The following PDHX variants were observed in gnomAD, a reference collection of about 807,000 sequenced individuals.
PDHX encodes pyruvate dehydrogenase protein X component, mitochondrial.
A neutral mutation model predicts 55.3 loss-of-function variants in PDHX; 33 were observed. The ratio of observed to expected loss-of-function variants is 0.60; its 90% CI spans 0.45 to 0.80. The LOEUF (loss-of-function observed/expected upper bound fraction) is 0.80. PDHX is among the 30% of genes least tolerant of loss of function. The probability of loss-of-function intolerance (pLI) is 0.00; values close to 1 mark genes in which losing one functional copy is unlikely to be tolerated. For missense variants in PDHX, 622 were observed against 619.9 expected (o/e 1.00, Z -0.04); for synonymous variants, 226 against 219.4 (o/e 1.03, Z -0.27).
At chr11:34,942,691 C>G (rs1854517192) in intron 2 of PDHX, among the ~76,000 whole-genome samples, 1 of 152,124 alleles carries the variant, frequency 6.6e-6, no homozygotes, top group Non-Finnish European at 1.5e-5. Context: ...AAAGATAGAA[C>G]TTTGGTTTTG....
chr11:34,970,133 T>C lies in PDHX; in HGVS notation c.817-6T>C. 4.3e-6 allele frequency: 7 copies of C among 1,613,440 alleles called. No individual in the cohort carries two copies. Among genetic ancestry groups the C allele is most frequent in the Non-Finnish European group, 5.9e-6 (7 of 1,179,428 alleles). On this transcript the variant is annotated splice_region_variant and splice_polypyrimidine_tract_variant and intron_variant, in intron 6 of 10. Coordinates refer to ENST00000227868, the MANE Select transcript of PDHX (RefSeq NM_003477.3). ...GTTTAACGGACAGGTTGCTGTCTTTTTGCAGGGCACATTCACTGAAATCCC... is the reference window on the plus strand; with the variant it reads ...GTTTAACGGACAGGTTGCTGTCTTTCTGCAGGGCACATTCACTGAAATCCC...
At chr11:34,991,849 G>C (rs1855763150) in intron 9 of PDHX, among the ~76,000 whole-genome samples, 1 of 140,832 alleles carries the variant, frequency 7.1e-6, no homozygotes. Context: ...GATGGAGGTT[G>C]CAATAGGCCA....
chr11:34,979,483 G>A (rs2079174578), intron 8 of PDHX, among the ~76,000 whole-genome samples: 1 of 152,064 alleles, frequency 6.6e-6, no homozygotes, highest in African/African-American at 2.4e-5. Context: ...TGTATTTAAA[G>A]TACATTTATA....
intron 4 of PDHX, among the ~76,000 whole-genome samples, chr11:34,960,085 A>C (rs954212841): frequency 2.0e-5 from 3 of 152,220 alleles, no homozygotes; most frequent in African/African-American, 7.2e-5. Context: ...ATATATGAAG[A>C]AATGATAGAA....
At chr11:34,926,024 C>T (rs890513123) in intron 1 of PDHX, among the ~76,000 whole-genome samples, 2 of 152,134 alleles carry the variant, frequency 1.3e-5, no homozygotes, top group African/African-American at 4.8e-5. Flanking sequence ...CATGCCAAGA[C>T]CTGTAAATGC....
chr11:34,974,744 C>CA (rs1200294297), intron 7 of PDHX, among the ~76,000 whole-genome samples: 2 of 151,948 alleles, frequency 1.3e-5, no homozygotes, highest in African/African-American at 4.8e-5. Flanking sequence ...CCTATCTCTA[C>CA]AAAAAAATTG....
At chr11:34,932,115 T>C (rs556278272) in intron 2 of PDHX, among the ~76,000 whole-genome samples, 1 of 152,166 alleles carries the variant, frequency 6.6e-6, no homozygotes, top group Non-Finnish European at 1.5e-5. Flanking sequence ...AGATTTATTC[T>C]TTATGTTATG....
Position 34,989,853 on chromosome 11 carries a change from C to T in PDHX, c.1183-2462C>T, listed in dbSNP as rs183838038. ...TCCCTACTGTCTGATGTTCACTGTC[C>T]ATTGCCATTTATCTAATTCTAGAAG... On this transcript the variant is annotated intron_variant, in intron 9 of 10. Coordinates refer to ENST00000227868, the MANE Select transcript of PDHX (RefSeq NM_003477.3). Among the ~76,000 whole-genome samples the T allele has an allele frequency of 1.9e-3, 287 of 152,196 alleles. 2 individuals are homozygous for T. The highest frequency in any genetic ancestry group is 1.2e-3 in the East Asian group (6 of 5,182).
intron 6 of PDHX, among the ~76,000 whole-genome samples, chr11:34,967,639 C>CAGGTTATT (rs1287748606): frequency 1.3e-5 from 2 of 151,962 alleles, no homozygotes; most frequent in African/African-American, 4.8e-5. Context: ...CTTTCCTATT[C>CAGGTTATT]AGGTTATTTT....
intron 2 of PDHX, among the ~76,000 whole-genome samples, chr11:34,938,040 A>G (rs1015776515): frequency 3.3e-5 from 5 of 152,230 alleles, no homozygotes; most frequent in African/African-American, 1.2e-4. Context: ...AAAAGGATAA[A>G]CAGAACTTCT....
intron 3 of PDHX, among the ~76,000 whole-genome samples, chr11:34,950,608 G>A (rs1172654032): frequency 6.7e-6 from 1 of 148,648 alleles, no homozygotes; most frequent in East Asian, 2.0e-4. Flanking sequence ...TCCCATCTAC[G>A]AGTGAGAACA....
chr11:34,982,692 C>T (rs1034106523), intron 8 of PDHX, among the ~76,000 whole-genome samples: 5 of 152,066 alleles, frequency 3.3e-5, no homozygotes, highest in Non-Finnish European at 7.4e-5. Context: ...ATAAATTCCT[C>T]GACACATACA....
chr11:34,925,035 T>C (rs956576108), intron 1 of PDHX, among the ~76,000 whole-genome samples: 3 of 152,232 alleles, frequency 2.0e-5, no homozygotes, highest in African/African-American at 7.2e-5. Context: ...CATATTTTGT[T>C]TGTTAGCTTT....
intron 2 of PDHX, among the ~76,000 whole-genome samples, chr11:34,944,801 ATC>A (rs1381380997): frequency 6.6e-6 from 1 of 152,024 alleles, no homozygotes; most frequent in Non-Finnish European, 1.5e-5. Flanking sequence ...TGTTAGGGCT[ATC>A]TCTTGTAAGC....
chr11:34,936,783 C>CTTTTTTTT (rs58582234), intron 2 of PDHX, among the ~76,000 whole-genome samples: 30 of 78,994 alleles, frequency 3.8e-4, no homozygotes, highest in East Asian at 1.8e-3. Flanking sequence ...CTTTTCTTTT[C>CTTTTTTTT]TTTTTTTTTT....
chr11:34,947,502 G>T lies in PDHX; in HGVS notation c.242-4G>T. 1 of 1,605,024 alleles carries T rather than the reference G, an allele frequency of 6.2e-7. No homozygotes were observed. Among genetic ancestry groups the T allele is most frequent in the East Asian group, 2.2e-5 (1 of 44,762 alleles). ...AACAAAACAAACCCAGTCTTGTTTT[G>T]TAGGTGAAGCGGTGAGTGCTGGAGA... On this transcript the variant is annotated splice_region_variant and splice_polypyrimidine_tract_variant and intron_variant, in intron 2 of 10. Coordinates refer to ENST00000227868, the MANE Select transcript of PDHX (RefSeq NM_003477.3).
intron 10 of PDHX, among the ~76,000 whole-genome samples, chr11:34,993,080 G>A (rs1211513303): frequency 6.6e-6 from 1 of 152,114 alleles, no homozygotes; most frequent in Non-Finnish European, 1.5e-5. Flanking sequence ...AATTAGTGAT[G>A]TTGAGTACTT....
chr11:34,945,880 C>T (rs544109469), intron 2 of PDHX, among the ~76,000 whole-genome samples: 1 of 152,240 alleles, frequency 6.6e-6, no homozygotes, highest in East Asian at 1.9e-4. Flanking sequence ...CCCTGCTAGT[C>T]AGTACACCTA....
chr11:34,919,398 C>T (rs1166123186), intron 1 of PDHX, among the ~76,000 whole-genome samples: 1 of 152,190 alleles, frequency 6.6e-6, no homozygotes, highest in Admixed American at 6.5e-5. Flanking sequence ...TGAACTGTTT[C>T]GTCTTTCACA....
Sources: allele counts gnomAD v4.1 joint callset (sites outside exome capture counted in the v4.1 genomes callset), GRCh38; gene constraint gnomAD v4.1.1; transcripts MANE v1.5; gene names NCBI Gene and HGNC (gene_info 2026-07-23, HGNC 2026-07-21).